Variants in KALRN observed in about 807,000 individuals in gnomAD.
KALRN encodes kalirin RhoGEF kinase.
In KALRN, 70 loss-of-function variants were observed where a neutral mutation model predicts 353.7. The observed-to-expected ratio is 0.20, with a 90% confidence interval of 0.16 to 0.24. The LOEUF is 0.24. KALRN is among the 10% of genes least tolerant of loss of function. The pLI, the probability that KALRN is intolerant of heterozygous loss-of-function variation, is 1.00. For missense variants in KALRN, 2,791 were observed against 3,756.7 expected (o/e 0.74, Z 6.72); for synonymous variants, 1,391 against 1,434.8 (o/e 0.97, Z 0.69).
chr3:124,468,772 G>A (rs887326538), intron 25 of KALRN, among the ~76,000 whole-genome samples: 5 of 152,224 alleles, frequency 3.3e-5, no homozygotes, highest in South Asian at 4.1e-4. Flanking sequence ...GAAAGAGGAA[G>A]GGGAAGGCCT....
At chr3:124,219,078 C>A (rs1215327042) in intron 1 of KALRN, among the ~76,000 whole-genome samples, 4 of 152,180 alleles carry the variant, frequency 2.6e-5, no homozygotes, top group African/African-American at 9.7e-5. Flanking sequence ...AGAGACATGG[C>A]AGTTACTAAA....
At chr3:124,642,462 C>T (rs1001462005) in intron 37 of KALRN, among the ~76,000 whole-genome samples, 1 of 152,100 alleles carries the variant, frequency 6.6e-6, no homozygotes, top group Admixed American at 6.6e-5. Flanking sequence ...GGACTGAACT[C>T]CTATTTAGTC....
At chr3:124,448,997 A>C (rs1391189619) in intron 21 of KALRN, among the ~76,000 whole-genome samples, 2 of 152,184 alleles carry the variant, frequency 1.3e-5, no homozygotes, top group Non-Finnish European at 2.9e-5. Context: ...TCATGTTCCA[A>C]ATCTCATGGT....
At chr3:124,557,755 C>T (rs1489929086) in intron 33 of KALRN, among the ~76,000 whole-genome samples, 5 of 152,148 alleles carry the variant, frequency 3.3e-5, no homozygotes, top group Admixed American at 6.6e-5. Flanking sequence ...AAGAGGAGGT[C>T]GGACTTATCT....
intron 32 of KALRN, among the ~76,000 whole-genome samples, chr3:124,493,260 G>A (rs1384140696): frequency 3.9e-5 from 6 of 152,236 alleles, no homozygotes; most frequent in Non-Finnish European, 5.9e-5. Flanking sequence ...ATGAGTCCTA[G>A]AGTGGAGGAA....
At chr3:124,401,324 G>A (rs913876326) in intron 13 of KALRN, among the ~76,000 whole-genome samples, 9 of 152,066 alleles carry the variant, frequency 5.9e-5, no homozygotes, top group African/African-American at 2.2e-4. Context: ...GGGCAACGTG[G>A]TGAAACTCCA....
At chr3:124,273,211 C>T (rs766632309) in intron 5 of KALRN, among the ~76,000 whole-genome samples, 22 of 152,302 alleles carry the variant, frequency 1.4e-4, no homozygotes, top group Admixed American at 5.2e-4. Context: ...TGAGCCCCCA[C>T]ATTCCCCATC....
intron 51 of KALRN, among the ~76,000 whole-genome samples, chr3:124,687,483 C>T (rs2061616626): frequency 6.6e-6 from 1 of 151,986 alleles, no homozygotes; most frequent in South Asian, 2.1e-4. Flanking sequence ...TGTTAAAAGC[C>T]ATATTTTCAT....
chr3:124,637,984 C>T (rs1296428696), intron 37 of KALRN, among the ~76,000 whole-genome samples: 1 of 152,134 alleles, frequency 6.6e-6, no homozygotes, highest in African/African-American at 2.4e-5. Flanking sequence ...TTGGATAGCT[C>T]ATTAGGATGG....
At chr3:124,517,109 C>G (rs1384580312) in intron 33 of KALRN, among the ~76,000 whole-genome samples, 2 of 152,180 alleles carry the variant, frequency 1.3e-5, no homozygotes, top group South Asian at 2.1e-4. Flanking sequence ...AGCCACCATG[C>G]CCGGCCGTGA....
chr3:124,573,061 GC>G (rs1426675791), intron 34 of KALRN, among the ~76,000 whole-genome samples: 1 of 151,968 alleles, frequency 6.6e-6, no homozygotes, highest in Non-Finnish European at 1.5e-5. Context: ...GGGGTGGAAG[GC>G]CTGAGTCTGA....
intron 1 of KALRN, among the ~76,000 whole-genome samples, chr3:124,168,352 T>G (rs1403412371): frequency 6.6e-6 from 1 of 152,174 alleles, no homozygotes; most frequent in Non-Finnish European, 1.5e-5. Context: ...AAGTTGGAAG[T>G]GATGGGGTTT....
rs2085739595 is a variant in KALRN at position 124,667,141 on chromosome 3, G to C, written c.6661G>C (p.Asp2221His). The change falls in exon 47 of 60, where the codon GAC (aspartate) becomes CAC (histidine). Residue 2221 changes from aspartate (D) to histidine (H), a missense_variant. Asp to His is a moderately conservative substitution (Grantham distance 81). Around this residue, in one of 11 missense-constraint regions of KALRN, gnomAD observed 1,065 missense variants for 1,156.4 expected, o/e 0.92. Coordinates refer to ENST00000682506, the MANE Select transcript of KALRN (RefSeq NM_001388419.1). ...TGACATCCAGCAGGCCTGGGTGCAG[G>C]ACATCAATCAAGTCTTAGAAACACA... ...NADIQQAWVQDINQVLETQRD... is the reference protein window; with the variant it reads ...NADIQQAWVQHINQVLETQRD... The C allele has an allele frequency of 1.9e-6, 3 of 1,614,028 alleles. No individual in the cohort carries two copies. Among genetic ancestry groups the C allele is most frequent in the Admixed American group, 3.3e-5 (2 of 60,000 alleles).
intron 20 of KALRN, among the ~76,000 whole-genome samples, chr3:124,446,522 A>G (rs2093844137): frequency 6.6e-6 from 1 of 152,218 alleles, no homozygotes; most frequent in African/African-American, 2.4e-5. Context: ...CGTGGATGAT[A>G]TTAGGCCTGG....
chr3:124,674,116 G>C (rs573494585), intron 48 of KALRN, among the ~76,000 whole-genome samples: 3 of 152,122 alleles, frequency 2.0e-5, no homozygotes, highest in Non-Finnish European at 4.4e-5. Context: ...GGTCAAAGGC[G>C]TGTTTATACC....
At chr3:124,199,343 A>T (rs2075745637) in intron 1 of KALRN, among the ~76,000 whole-genome samples, 1 of 151,956 alleles carries the variant, frequency 6.6e-6, no homozygotes, top group Admixed American at 6.6e-5. Context: ...AATGCCTTAG[A>T]CCTCTGGCTC....
intron 25 of KALRN, among the ~76,000 whole-genome samples, chr3:124,472,573 A>G (rs570647805): frequency 4.3e-4 from 42 of 97,434 alleles, no homozygotes; most frequent in African/African-American, 1.7e-3. Context: ...GTGTGTGTGT[A>G]TATGTGTGTG....
At chr3:124,553,897 G>A (rs1417044662) in intron 33 of KALRN, among the ~76,000 whole-genome samples, 1 of 152,262 alleles carries the variant, frequency 6.6e-6, no homozygotes, top group Admixed American at 6.5e-5. Context: ...ACTTGTGTGG[G>A]TTCCCCAGGG....
chr3:124,447,012 C>A, intron 21 of KALRN, 127 bp downstream of exon 21: 1 of 1,048,920 alleles, frequency 9.5e-7, no homozygotes, highest in Non-Finnish European at 1.4e-6. Flanking sequence ...AGGGGGGAAG[C>A]ATGTAAATGT....
Sources: gnomAD v4.1 joint callset for allele counts (sites outside exome capture counted in the v4.1 genomes callset) on GRCh38, gnomAD v4.1.1 for gene constraint, gnomAD v4.1.1 regional missense constraint, MANE v1.5 for transcripts, NCBI Gene and HGNC (gene_info 2026-07-23, HGNC 2026-07-21) for gene names.